Variants in UNC13C observed in about 807,000 individuals in gnomAD.
UNC13C encodes the protein protein unc-13 homolog C.
A neutral mutation model predicts 245.4 loss-of-function variants in UNC13C; 174 were observed. The ratio of observed to expected loss-of-function variants is 0.71; its 90% confidence interval spans 0.63 to 0.80. The LOEUF (loss-of-function observed/expected upper bound fraction) is 0.80, where lower values mean the gene tolerates loss of function less well. Ranked by LOEUF, UNC13C falls within the 30% of genes least tolerant of loss-of-function variation. The probability of loss-of-function intolerance (pLI) is 0.00; values close to 1 mark genes in which losing one functional copy is unlikely to be tolerated. For synonymous variants in UNC13C, 992 were observed against 895.1 expected (o/e 1.11, Z -1.93); for missense variants, 2,829 against 2,602.9 (o/e 1.09, Z -1.89).
rs753823142 is a variant in UNC13C, at chr15:54,143,623, C to T, written c.3010C>T (p.Arg1004Ter). ...TTTCTCTTACTCTTCATTTAAGGCT[C>T]GAATAGTAAGTGGCAATGATTTGGA... ...GDSSSVDEKA[R>*]IVSGNDLDAS... Residue 1004 changes from arginine to a stop codon, truncating the protein, a stop_gained, in exon 4 of 33, where the codon CGA (arginine) becomes TGA (stop). Transcript: ENST00000260323. LOFTEE classifies it high-confidence loss of function. 3 of 1,612,744 alleles carry T rather than the reference C, an allele frequency of 1.9e-6. No individual in the cohort carries two copies. Among genetic ancestry groups the T allele is most frequent in the Non-Finnish European group, 2.5e-6 (3 of 1,179,038 alleles).
At chr15:53,881,264 C>A in the UNC13C span, among the ~76,000 whole-genome samples, 88,444 of 151,928 alleles carry the variant, frequency 0.58, 26,239 homozygotes, top group Admixed American at 0.67. Flanking sequence ...GTTTGGAGAG[C>A]GTGCAGCATA....
intron 10 of UNC13C, among the ~76,000 whole-genome samples, chr15:54,292,788 C>T (rs1193663952): frequency 6.6e-6 from 1 of 150,770 alleles, no homozygotes; most frequent in African/African-American, 2.4e-5. Context: ...GTATTGATGA[C>T]AAAAATGCTG....
At chr15:53,932,912 G>A in the UNC13C span, among the ~76,000 whole-genome samples, 21 of 152,216 alleles carry the variant, frequency 1.4e-4, no homozygotes, top group Middle Eastern at 3.4e-3. Flanking sequence ...TGCCAAAAGA[G>A]GAGCTCATTA....
In UNC13C at chr15:54,500,861, C is replaced by A. The variant is rs755934391; in HGVS notation, c.5184C>A (p.Leu1728=). 103 of 1,612,826 alleles carry A rather than the reference C, an allele frequency of 6.4e-5. No individual in the cohort carries two copies. Among genetic ancestry groups the A allele is most frequent in the Non-Finnish European group, 3.1e-5 (36 of 1,179,258 alleles). Reference sequence around the variant, plus strand: ...TCCAGCAGACATCTGAGCATGCTCTCTTTTCTTGCTCCGTGGTTGATGTCT... The same window carrying A: ...TCCAGCAGACATCTGAGCATGCTCTATTTTCTTGCTCCGTGGTTGATGTCT... ...DGFQQTSEHA[L]FSCSVVDVFA... The change falls in exon 22 of 33, where the codon CTC becomes CTA. Residue 1728 remains leucine, a synonymous_variant. Transcript: ENST00000260323.
chr15:54,620,348 A>G (rs1900717568), intron 30 of UNC13C, among the ~76,000 whole-genome samples: 1 of 152,180 alleles, frequency 6.6e-6, no homozygotes, highest in African/African-American at 2.4e-5. Context: ...ATACGTTTAG[A>G]GTCCCTTCTT....
At chr15:53,956,475 C>G in the UNC13C span, among the ~76,000 whole-genome samples, 358 of 151,464 alleles carry the variant, frequency 2.4e-3, 2 homozygotes, top group African/African-American at 8.3e-3. Flanking sequence ...GCCCCAAACT[C>G]TTGTTCTTAA....
intron 1 of UNC13C, among the ~76,000 whole-genome samples, chr15:53,982,374 A>T (rs1354427422): frequency 2.0e-5 from 3 of 152,138 alleles, no homozygotes; most frequent in African/African-American, 7.2e-5. Flanking sequence ...AGCTTCTCGA[A>T]GCATGTAAAA....
intron 13 of UNC13C, among the ~76,000 whole-genome samples, chr15:54,316,492 G>A (rs928300446): frequency 6.6e-6 from 1 of 151,888 alleles, no homozygotes; most frequent in African/African-American, 2.4e-5. Context: ...ACCAGGCTGT[G>A]ATATACACAT....
intron 19 of UNC13C, among the ~76,000 whole-genome samples, chr15:54,449,379 T>G (rs4280183): frequency 6.6e-6 from 1 of 152,224 alleles, no homozygotes; most frequent in Non-Finnish European, 1.5e-5. Context: ...TTTTCCAACT[T>G]GGTTCCATTC....
intron 2 of UNC13C, among the ~76,000 whole-genome samples, chr15:54,132,575 A>G (rs16974129): frequency 0.37 from 55,846 of 152,012 alleles, 10,337 homozygotes; most frequent in Admixed American, 0.39. Context: ...AAGGAATTCA[A>G]TAAAAGGGAA....
intron 13 of UNC13C, among the ~76,000 whole-genome samples, chr15:54,317,133 GATGA>G (rs922512694): frequency 2.0e-5 from 3 of 151,870 alleles, no homozygotes; most frequent in Non-Finnish European, 2.9e-5. Context: ...AATTTTCATA[GATGA>G]ATGTATTATA....
At chr15:54,417,108 T>C in intron 19 of UNC13C, 1 of 377,196 alleles carries the variant, frequency 2.7e-6, no homozygotes, top group South Asian at 1.9e-5. Context: ...GTTGATTTGA[T>C]TATGTATGTG....
chr15:54,617,502 T>TGTTACCATCTGTAAAATGTCTTA, intron 30 of UNC13C, among the ~76,000 whole-genome samples: 1 of 152,000 alleles, frequency 6.6e-6, no homozygotes, highest in Admixed American at 6.6e-5. Flanking sequence ...AACATCTGAA[T>TGTTACCATCTGTAAAATGTCTTA]CCCAGTCTTA....
chr15:54,306,061 C>A (rs71474867), intron 13 of UNC13C, among the ~76,000 whole-genome samples: 10,889 of 152,000 alleles, frequency 0.072, 452 homozygotes, highest in Admixed American at 0.12. Context: ...CTGAATTTTT[C>A]TCTTGTGAAT....
the UNC13C span, among the ~76,000 whole-genome samples, chr15:53,870,443 G>T: frequency 7.1e-6 from 1 of 141,750 alleles, no homozygotes; most frequent in African/African-American, 2.7e-5. Context: ...CCCCCACACT[G>T]GCTGGAGTGG....
intron 17 of UNC13C, among the ~76,000 whole-genome samples, chr15:54,386,847 G>A (rs981011573): frequency 6.6e-6 from 1 of 152,212 alleles, no homozygotes; most frequent in Non-Finnish European, 1.5e-5. Flanking sequence ...CTGGAAGAGA[G>A]AAGAGGGGCA....
intron 2 of UNC13C, among the ~76,000 whole-genome samples, chr15:54,029,325 A>G (rs1350971470): frequency 2.6e-5 from 4 of 152,358 alleles, no homozygotes; most frequent in South Asian, 4.1e-4. Context: ...GAGTGCTAGT[A>G]GTGTGATGAA....
chr15:54,496,135 C>A (rs184157979), intron 20 of UNC13C, among the ~76,000 whole-genome samples: 2 of 151,954 alleles, frequency 1.3e-5, no homozygotes, highest in African/African-American at 4.8e-5. Context: ...TTTAGCCATT[C>A]CACAATATAT....
intron 2 of UNC13C, among the ~76,000 whole-genome samples, chr15:54,122,757 G>T (rs909967345): frequency 6.6e-6 from 1 of 151,948 alleles, no homozygotes; most frequent in Non-Finnish European, 1.5e-5. Context: ...GCTTCTTTCA[G>T]TTAGCACAAT....
Sources: allele counts gnomAD v4.1 joint callset (sites outside exome capture counted in the v4.1 genomes callset), GRCh38; gene constraint gnomAD v4.1.1; transcripts MANE v1.5; gene names NCBI Gene and HGNC (gene_info 2026-07-23, HGNC 2026-07-21).